The following PCDHGB3 variants were observed in gnomAD, a reference collection of about 807,000 sequenced individuals.
The protein encoded by PCDHGB3 is protocadherin gamma subfamily B, 3.
Under a neutral mutation model 59.2 loss-of-function variants are expected in PCDHGB3, and 40 were observed. The ratio of observed to expected loss-of-function variants is 0.68; its 90% confidence interval spans 0.52 to 0.88. The LOEUF (loss-of-function observed/expected upper bound fraction) is 0.88, where lower values mean the gene tolerates loss of function less well. PCDHGB3 is among the 40% of genes least tolerant of loss of function. PCDHGB3 has a pLI of 0.00. For missense variants in PCDHGB3, 1,309 were observed against 1,187.9 expected (o/e 1.10, Z -1.50); for synonymous variants, 581 against 503.6 (o/e 1.15, Z -2.06).
At position 141,463,438 on chromosome 5, in the gene PCDHGB3, C is replaced by CTTTTT. The variant is rs71576115; in HGVS notation, c.2416-31345_2416-31341dup. On this transcript the variant is annotated intron_variant, in intron 1 of 3. Coordinates refer to ENST00000576222, the MANE Select transcript of PCDHGB3 (RefSeq NM_018924.5). ...GTTTGCGGATCCTCATTTCCTTCTC[C>CTTTTT]TTTTTTTTTTTTTTTTTTTTTTTTT... is the stretch of plus-strand genomic sequence containing the variant. 3.0e-4 allele frequency among the ~76,000 whole-genome samples: 31 copies of CTTTTT among 103,252 alleles called. 1 individual carries two copies. Among genetic ancestry groups the CTTTTT allele is most frequent in the African/African-American group, 1.2e-3 (26 of 22,402 alleles). The allele number at this position is 103,252 out of a possible 152,430, so 67.7% of individuals were successfully genotyped here.
At chr5:141,421,974 C>T in intron 1 of PCDHGB3, 3 of 1,609,644 alleles carry the variant, frequency 1.9e-6, no homozygotes, top group African/African-American at 1.3e-5. Flanking sequence ...CCGTATATCG[C>T]GTGAGTGTTC....
At chr5:141,375,435 C>A in intron 1 of PCDHGB3, 1 of 1,614,002 alleles carries the variant, frequency 6.2e-7, no homozygotes, top group East Asian at 2.2e-5. Context: ...AACCCGCCCA[C>A]CTTCCCCCAT....
At chr5:141,473,623 A>T (rs186624707) in intron 1 of PCDHGB3, among the ~76,000 whole-genome samples, 8 of 152,280 alleles carry the variant, frequency 5.3e-5, no homozygotes, top group Non-Finnish European at 1.5e-5. Flanking sequence ...GAGGGAGGAA[A>T]AAGCAGCTTT....
chr5:141,509,199 GTCTC>G (rs1017134758), intron 3 of PCDHGB3, among the ~76,000 whole-genome samples: 4 of 152,070 alleles, frequency 2.6e-5, no homozygotes, highest in Admixed American at 2.0e-4. Context: ...AATATTTCCT[GTCTC>G]TCTATTTCTC....
At chr5:141,421,225 G>A in intron 1 of PCDHGB3, 1 of 1,584,302 alleles carries the variant, frequency 6.3e-7, no homozygotes. Flanking sequence ...CTTAGAGCCT[G>A]CCATGGCGAA....
At chr5:141,396,546 G>A (rs2093396215) in intron 1 of PCDHGB3, 1 of 152,118 alleles carries the variant, frequency 6.6e-6, no homozygotes, top group Non-Finnish European at 1.5e-5. Context: ...CTTGAACCCG[G>A]GAGGTGGAGG....
chr5:141,397,625 G>A (rs558654986), intron 1 of PCDHGB3, among the ~76,000 whole-genome samples: 2 of 152,338 alleles, frequency 1.3e-5, no homozygotes, highest in South Asian at 4.1e-4. Flanking sequence ...CTTAGTTCTA[G>A]CTAAGAGTTC....
intron 1 of PCDHGB3, chr5:141,427,864 A>G: frequency 6.4e-7 from 1 of 1,557,574 alleles, no homozygotes; most frequent in Non-Finnish European, 8.8e-7. Flanking sequence ...TGCGCCTTCG[A>G]GCTCACGATG....
intron 1 of PCDHGB3, chr5:141,404,860 T>C (rs3749769): frequency 0.09 from 144,859 of 1,613,622 alleles, 7,500 homozygotes; most frequent in African/African-American, 0.18. Context: ...TAGATAGAGA[T>C]GCGCTCAAAC....
rs2096779089 is a variant in PCDHGB3, at chr5:141,423,760, G to GA, written c.2415+50951_2415+50952insA. On this transcript the variant is annotated intron_variant, in intron 1 of 3. Transcript: ENST00000576222. ...GTTATGAAAACTGTTTGGGGGGGGG[G>GA]TGGGGCGGCATATATTTAGTTCATA... 1.1e-5 allele frequency: 3 copies of GA among 279,664 alleles called. 1 individual carries two copies. Among genetic ancestry groups the GA allele is most frequent in the African/African-American group, 6.7e-5 (2 of 29,702 alleles). The allele number at this position is 279,664 out of a possible 1,614,324, so 17.3% of individuals were successfully genotyped here.
intron 1 of PCDHGB3, among the ~76,000 whole-genome samples, chr5:141,425,410 A>G (rs1283299220): frequency 2.0e-5 from 3 of 152,240 alleles, no homozygotes; most frequent in African/African-American, 7.2e-5. Flanking sequence ...TTAAGGTATA[A>G]CATATAGTCC....
intron 1 of PCDHGB3, chr5:141,384,846 C>T: frequency 1.2e-6 from 2 of 1,613,586 alleles, no homozygotes; most frequent in Non-Finnish European, 1.7e-6. Context: ...TCCAGGACCA[C>T]GGTCAGCCTC....
At chr5:141,392,107 C>T (rs1289551398) in intron 1 of PCDHGB3, 1 of 152,168 alleles carries the variant, frequency 6.6e-6, no homozygotes, top group Non-Finnish European at 1.5e-5. Flanking sequence ...AAAGCAACAA[C>T]TCTATAGAAA....
intron 1 of PCDHGB3, among the ~76,000 whole-genome samples, chr5:141,454,617 G>T (rs2098794218): frequency 6.6e-6 from 1 of 151,322 alleles, no homozygotes; most frequent in Non-Finnish European, 1.5e-5. Context: ...TGTTGGTCAG[G>T]CTGGTCTCGA....
intron 1 of PCDHGB3, chr5:141,375,994 G>T (rs553803944): frequency 1.2e-6 from 2 of 1,613,410 alleles, no homozygotes; most frequent in East Asian, 2.2e-5. Context: ...ACAGAGACGC[G>T]CTCAAGCAGA....
intron 1 of PCDHGB3, chr5:141,383,475 G>T: frequency 6.2e-7 from 1 of 1,613,594 alleles, no homozygotes; most frequent in Non-Finnish European, 8.5e-7. Flanking sequence ...CTAAGTACCC[G>T]GAACTGGTGC....
intron 1 of PCDHGB3, chr5:141,421,290 G>C (rs2096561632): frequency 6.2e-7 from 1 of 1,613,130 alleles, no homozygotes; most frequent in African/African-American, 1.3e-5. Flanking sequence ...GCATTTTCCT[G>C]GGGACGCTGC....
At chr5:141,393,459 G>C (rs988813968) in intron 1 of PCDHGB3, 1 of 1,613,928 alleles carries the variant, frequency 6.2e-7, no homozygotes, top group Non-Finnish European at 8.5e-7. Flanking sequence ...CACGGCCTCG[G>C]ATGGCGGCAA....
At chr5:141,433,103 C>T (rs762225174) in intron 1 of PCDHGB3, 3 of 1,614,126 alleles carry the variant, frequency 1.9e-6, no homozygotes, top group Non-Finnish European at 2.5e-6. Flanking sequence ...GCTCGTCAGC[C>T]AGGAGAGCTT....
Sources: gnomAD v4.1 joint callset for allele counts (sites outside exome capture counted in the v4.1 genomes callset) on GRCh38, gnomAD v4.1.1 for gene constraint, MANE v1.5 for transcripts, NCBI Gene and HGNC (gene_info 2026-07-23, HGNC 2026-07-21) for gene names.